The following XPA variants were observed in gnomAD, a reference collection of about 807,000 sequenced individuals.
XPA encodes the protein DNA repair protein complementing XP-A cells.
In XPA, 27 loss-of-function variants were observed where a neutral mutation model predicts 35.7. The ratio of observed to expected loss-of-function variants is 0.76; its 90% CI spans 0.56 to 1.04. The LOEUF is 1.04. Ranked by LOEUF, XPA falls within the 50% of genes least tolerant of loss-of-function variation. The probability of loss-of-function intolerance (pLI) is 0.00; values close to 1 mark genes in which losing one functional copy is unlikely to be tolerated. For synonymous variants in XPA, 133 were observed against 118.4 expected, an observed-to-expected ratio of 1.12 and a Z score of -0.80; for missense variants, 354 against 342.7, an observed-to-expected ratio of 1.03 and a Z score of -0.26.
At position 97,687,176 on chromosome 9, in the gene XPA, C is replaced by T. The variant is rs1212552454; in HGVS notation, c.475G>A (p.Glu159Lys). The T allele has an allele frequency of 1.2e-6, 2 of 1,612,516 alleles. No individual in the cohort carries two copies. The highest frequency in any genetic ancestry group is 1.1e-5 in the South Asian group (1 of 90,560). The change falls in exon 4 of 6, where the codon GAG becomes AAG. Residue 159 changes from glutamate (E) to lysine (K), a missense_variant. By Grantham distance (56) the Glu-to-Lys change is moderately conservative. Coordinates refer to ENST00000375128, the MANE Select transcript of XPA (RefSeq NM_000380.4). The stretch of plus-strand genomic sequence containing the variant: ...TTCACAATAAATTTAAGAGGTGGCT[C>T]TCTTTTTTCTAAATCACAGTCTTTC... ...LLKDCDLEKR[E>K]PPLKFIVKKN...
At chr9:97,695,099 C>T (rs1002932282) in intron 1 of XPA, among the ~76,000 whole-genome samples, 1 of 152,122 alleles carries the variant, frequency 6.6e-6, no homozygotes, top group African/African-American at 2.4e-5. Context: ...ACTAGGAAGG[C>T]GCAATAGGAA....
At chr9:97,684,238 G>T (rs1466141033) in intron 5 of XPA, among the ~76,000 whole-genome samples, 2 of 151,950 alleles carry the variant, frequency 1.3e-5, no homozygotes, top group Non-Finnish European at 2.9e-5. Flanking sequence ...AGTAAATACT[G>T]GATGTATTGA....
chr9:97,687,971 GT>G (rs1039223195), intron 3 of XPA, among the ~76,000 whole-genome samples: 4 of 152,106 alleles, frequency 2.6e-5, no homozygotes, highest in Non-Finnish European at 4.4e-5. Flanking sequence ...GAAATCAAAG[GT>G]TCTATCAGAG....
At chr9:97,670,994 C>G (rs10283569), downstream of XPA, 1 of 742,736 alleles carries the variant, frequency 1.3e-6, no homozygotes, top group East Asian at 2.8e-5. Flanking sequence ...TTTCATCATT[C>G]TGCAGCATGG....
At position 97,683,068 on chromosome 9, in the gene XPA, GTTT is replaced by G. The variant is rs1841122408; in HGVS notation, c.673+1852_673+1854del. On this transcript the variant is annotated intron_variant, in intron 5 of 5. Transcript: ENST00000375128. ...ATATTTCATCACTTTGCAGATACAG[GTTT>G]TTAATTAATACTTATTATTTTATCC... 2.0e-5 allele frequency among the ~76,000 whole-genome samples: 3 copies of G among 152,204 alleles called. No individual in the cohort carries two copies. In the South Asian group the frequency reaches 6.2e-4, roughly 32 times the overall value.
intron 1 of XPA, among the ~76,000 whole-genome samples, chr9:97,694,851 C>A (rs560580800): frequency 2.6e-5 from 4 of 152,232 alleles, no homozygotes; most frequent in African/African-American, 9.6e-5. Context: ...GTGGAAACAA[C>A]CCAAATAGCC....
At chr9:97,674,334 G>GA (rs1828286971), downstream of XPA, among the ~76,000 whole-genome samples, 1 of 151,874 alleles carries the variant, frequency 6.6e-6, no homozygotes, top group Non-Finnish European at 1.5e-5. Flanking sequence ...AATCAAACTT[G>GA]AAAAATACAC....
chr9:97,675,578 C>T lies in XPA; in HGVS notation c.683G>A (p.Arg228Gln), dbSNP rs1805160. The T allele has an allele frequency of 1.7e-4, 278 of 1,613,702 alleles. 1 individual carries two copies. Among genetic ancestry groups the T allele is most frequent in the Admixed American group, 4.2e-4 (25 of 59,972 alleles). The change falls in exon 6 of 6, where the codon CGA becomes CAA. Residue 228 changes from arginine (R) to glutamine (Q), a missense_variant. Physicochemically the swap from Arg to Gln is conservative, Grantham distance 43. Coordinates refer to ENST00000375128, the MANE Select transcript of XPA (RefSeq NM_000380.4). ...TTTCCACACGCTGCTTCTTACTGCTCGCCGCAATTCTGAAAAAAAAATTTT... is the reference window on the plus strand; with the variant it reads ...TTTCCACACGCTGCTTCTTACTGCTTGCCGCAATTCTGAAAAAAAAATTTT... ...KFDKKVKELR[R>Q]AVRSSVWKRE...
chr9:97,664,311 G>T, the XPA span: 1 of 1,392,384 alleles, frequency 7.2e-7, no homozygotes, highest in South Asian at 1.2e-5. Flanking sequence ...GTGTGTGTGT[G>T]ATTTACTTGA....
chr9:97,655,699 T>A, the XPA span: 1 of 1,609,392 alleles, frequency 6.2e-7, no homozygotes. Flanking sequence ...CTTCTCTACG[T>A]AGGTTTATTA....
chr9:97,685,718 C>T (rs1259747174), intron 4 of XPA, among the ~76,000 whole-genome samples: 2 of 152,112 alleles, frequency 1.3e-5, no homozygotes, highest in South Asian at 2.1e-4. Flanking sequence ...TTAACATAAT[C>T]AAGTGATACA....
At chr9:97,671,022 A>G (rs1384417627), downstream of XPA, 1 of 1,095,698 alleles carries the variant, frequency 9.1e-7, no homozygotes, top group Admixed American at 2.0e-5. Flanking sequence ...GCTGAAGGAA[A>G]TGTTCCACAA....
intron 3 of XPA, among the ~76,000 whole-genome samples, 178 bp from the exon 4 acceptor site, chr9:97,687,439 A>G (rs547743132): frequency 6.6e-6 from 1 of 152,344 alleles, no homozygotes; most frequent in Admixed American, 6.5e-5. Context: ...TTTATCTTTT[A>G]CTTATTCTGG....
chr9:97,696,493 T>C (rs541500863), intron 1 of XPA, among the ~76,000 whole-genome samples: 8 of 152,310 alleles, frequency 5.3e-5, no homozygotes, highest in East Asian at 1.9e-4. Context: ...ATGGAATCTA[T>C]GGATTAGAAT....
the XPA span, chr9:97,664,461 A>G: frequency 1.3e-6 from 2 of 1,525,976 alleles, no homozygotes; most frequent in Non-Finnish European, 9.1e-7. Flanking sequence ...AAATTATTTT[A>G]TGAAACTTGT....
chr9:97,696,541 T>C (rs1829048530), intron 1 of XPA, among the ~76,000 whole-genome samples: 1 of 152,220 alleles, frequency 6.6e-6, no homozygotes, highest in African/African-American at 2.4e-5. Flanking sequence ...TTCTGATTGC[T>C]GAGTAGGAGA....
chr9:97,683,485 A>C (rs1029862608), intron 5 of XPA, among the ~76,000 whole-genome samples: 2 of 152,172 alleles, frequency 1.3e-5, no homozygotes, highest in Non-Finnish European at 2.9e-5. Flanking sequence ...TTACCTTGTG[A>C]TTCAGGAATT....
chr9:97,673,315 A>C (rs1341459186), downstream of XPA: 1 of 152,176 alleles, frequency 6.6e-6, no homozygotes, highest in Admixed American at 6.5e-5. Flanking sequence ...CTGTAGTTTA[A>C]AATGACTCCT....
the XPA span, among the ~76,000 whole-genome samples, chr9:97,665,854 C>G: frequency 7.0e-6 from 1 of 142,534 alleles, no homozygotes; most frequent in African/African-American, 2.6e-5. Context: ...TTAGTGATAA[C>G]GTAGTCAATT....
Sources: allele counts gnomAD v4.1 joint callset (sites outside exome capture counted in the v4.1 genomes callset), GRCh38; gene constraint gnomAD v4.1.1; transcripts MANE v1.5; gene names NCBI Gene and HGNC (gene_info 2026-07-23, HGNC 2026-07-21).